The following DEPDC5 variants were observed in gnomAD, a reference collection of about 807,000 sequenced individuals.
DEPDC5 encodes GATOR1 complex protein DEPDC5.
In DEPDC5, 73 loss-of-function variants were observed where a neutral mutation model predicts 217.3. The ratio of observed to expected loss-of-function variants is 0.34; its 90% CI spans 0.28 to 0.41. The LOEUF is 0.41. Among genes scored for constraint, DEPDC5 ranks in the 10% least tolerant of loss-of-function variants. The pLI, the probability that DEPDC5 is intolerant of heterozygous loss-of-function variation, is 1.00. For synonymous variants in DEPDC5, 733 were observed against 756.7 expected (o/e 0.97, Z 0.51); for missense variants, 1,675 against 2,070.1 (o/e 0.81, Z 3.70).
chr22:31,792,285 T>C (rs1036937563), intron 11 of DEPDC5, among the ~76,000 whole-genome samples, 183 bp downstream of exon 11: 9 of 152,052 alleles, frequency 5.9e-5, no homozygotes, highest in Non-Finnish European at 1.5e-5. Flanking sequence ...GTCTGTGGGC[T>C]GTGATTCATC....
chr22:31,868,702 C>T (rs2092755416), intron 33 of DEPDC5, among the ~76,000 whole-genome samples: 1 of 152,218 alleles, frequency 6.6e-6, no homozygotes, highest in African/African-American at 2.4e-5. Context: ...GCCAAGATTA[C>T]AGGCGTGAGC....
chr22:31,765,081 T>C (rs1158023943), intron 5 of DEPDC5, 21 bp downstream of exon 5: 1 of 1,589,346 alleles, frequency 6.3e-7, no homozygotes, highest in African/African-American at 1.3e-5. Flanking sequence ...GTTTTGTACT[T>C]GAATATCTTT....
In DEPDC5 at chr22:31,760,689, A is replaced by G. The variant is rs550525739; in HGVS notation, c.180A>G (p.Glu60=). The part of the protein sequence containing the change: ...PLLLQVKSLK[E]DLQKETISVD... ...TTTTGCAGGTCAAGTCTCTTAAGGA[A>G]GATTTACAGAAGGGTAAGAATTATA... Residue 60 remains glutamate, a synonymous_variant, in exon 4 of 43, where the codon GAA becomes GAG. Transcript: ENST00000651528. 2.0e-5 allele frequency: 32 copies of G among 1,612,566 alleles called. No homozygotes were observed. The Middle Eastern group carries it at 6.6e-4, about 33-fold the overall frequency.
At chr22:31,782,583 C>T (rs1333335167) in intron 8 of DEPDC5, among the ~76,000 whole-genome samples, 1 of 152,140 alleles carries the variant, frequency 6.6e-6, no homozygotes, top group Non-Finnish European at 1.5e-5. Context: ...ACCACTTTTG[C>T]TTTTCCTTGA....
intron 7 of DEPDC5, among the ~76,000 whole-genome samples, chr22:31,770,616 A>G (rs2083263505): frequency 6.8e-6 from 1 of 147,500 alleles, no homozygotes; most frequent in African/African-American, 2.5e-5. Context: ...CTGGTCTCGA[A>G]CTCCTGACCT....
intron 8 of DEPDC5, among the ~76,000 whole-genome samples, chr22:31,779,693 C>G (rs1304477484): frequency 6.6e-6 from 1 of 152,198 alleles, no homozygotes; most frequent in Admixed American, 6.5e-5. Context: ...ATCACCGGCT[C>G]TAATGGCCAA....
At position 31,864,503 on chromosome 22, in the gene DEPDC5, T is replaced by A. The variant is rs577542523; in HGVS notation, c.3330+3070T>A. On this transcript the variant is annotated intron_variant, in intron 33 of 42. Coordinates refer to ENST00000651528, the MANE Select transcript of DEPDC5 (RefSeq NM_001242896.3). ...TTCTGAACCTGTTTCTTCATTAAAA[T>A]ATATATATATATATATATATATTTA... Among the ~76,000 whole-genome samples, 559 of 130,908 alleles carry A rather than the reference T, an allele frequency of 4.3e-3. 8 individuals are homozygous for A. The highest frequency in any genetic ancestry group is 6.8e-3 in the Non-Finnish European group (433 of 63,288). The allele number at this position is 130,908 out of a possible 152,430, so 85.9% of individuals were successfully genotyped here. A position where few individuals can be genotyped will look rare whatever the true frequency, so the allele number is the denominator to read the frequency against.
intron 14 of DEPDC5, 106 bp downstream of exon 14, chr22:31,798,762 A>G (rs2086541926): frequency 9.0e-7 from 1 of 1,110,110 alleles, no homozygotes; most frequent in African/African-American, 1.6e-5. Flanking sequence ...TGGATCTTGC[A>G]GAAGAAAGAA....
At chr22:31,857,421 G>A (rs559970250) in intron 31 of DEPDC5, 24 bp from the exon 32 acceptor site, 1 of 1,573,016 alleles carries the variant, frequency 6.4e-7, no homozygotes, top group Admixed American at 1.9e-5. Flanking sequence ...GCAAGCTGCT[G>A]TCATGTGCTT....
At chr22:31,756,474 A>AAT (rs1361769772) in intron 2 of DEPDC5, among the ~76,000 whole-genome samples, 1 of 152,228 alleles carries the variant, frequency 6.6e-6, no homozygotes, top group Admixed American at 6.5e-5. Context: ...ATGTTGCCTA[A>AAT]ATATTTGTGG....
intron 8 of DEPDC5, among the ~76,000 whole-genome samples, chr22:31,780,289 G>T (rs1180194437): frequency 6.6e-6 from 1 of 152,198 alleles, no homozygotes; most frequent in Non-Finnish European, 1.5e-5. Flanking sequence ...TAGATTGGAT[G>T]TGAGGAGTGA....
intron 32 of DEPDC5, 93 bp downstream of exon 32, chr22:31,857,646 A>C: frequency 9.6e-7 from 1 of 1,044,968 alleles, no homozygotes. Context: ...CCGGGATTGC[A>C]TGTGCAGAGG....
chr22:31,771,834 T>C (rs2083396807), intron 7 of DEPDC5, among the ~76,000 whole-genome samples: 1 of 150,426 alleles, frequency 6.6e-6, no homozygotes, highest in African/African-American at 2.5e-5. Flanking sequence ...TTTGGAAGGC[T>C]GAGGTGGGTA....
chr22:31,810,896 C>G (rs1460561090), intron 20 of DEPDC5, among the ~76,000 whole-genome samples: 1 of 152,116 alleles, frequency 6.6e-6, no homozygotes, highest in Non-Finnish European at 1.5e-5. Flanking sequence ...CTGCCTCAGC[C>G]TCACAAGTTG....
At chr22:31,823,082 A>T (rs1221553020) in intron 24 of DEPDC5, 2 of 357,654 alleles carry the variant, frequency 5.6e-6, no homozygotes, top group Non-Finnish European at 1.1e-5. Context: ...CCATGGACAG[A>T]GCTGGAGTGG....
intron 18 of DEPDC5, among the ~76,000 whole-genome samples, chr22:31,807,115 C>T (rs560314226): frequency 1.2e-3 from 176 of 152,272 alleles, no homozygotes; most frequent in Non-Finnish European, 2.0e-3. Context: ...AATTATATCA[C>T]ATGCTACAAA....
intron 2 of DEPDC5, 128 bp from the exon 3 acceptor site, chr22:31,758,418 C>G (rs2082112373): frequency 1.3e-6 from 1 of 776,778 alleles, no homozygotes; most frequent in Non-Finnish European, 2.2e-6. Flanking sequence ...AGCCTCGTTT[C>G]AAAATAGAAC....
rs1601747508 is a variant in DEPDC5 at position 31,777,216 on chromosome 22, T to A, written c.414-883T>A. ...CTCAGGTGATTCACCCGCCTCAGCCTCTCAACGTGTTGGGATTATAGGCAT... is the reference window on the plus strand; with the variant it reads ...CTCAGGTGATTCACCCGCCTCAGCCACTCAACGTGTTGGGATTATAGGCAT... On this transcript the variant is annotated intron_variant, in intron 7 of 42. Coordinates refer to ENST00000651528, the MANE Select transcript of DEPDC5 (RefSeq NM_001242896.3). Among the ~76,000 whole-genome samples, 3 of 150,314 alleles carry A rather than the reference T, an allele frequency of 2.0e-5. No individual in the cohort carries two copies. In the South Asian group the frequency reaches 6.3e-4, roughly 32 times the overall value.
chr22:31,806,455 A>G (rs569606170), intron 18 of DEPDC5, among the ~76,000 whole-genome samples: 46 of 152,258 alleles, frequency 3.0e-4, no homozygotes, highest in Non-Finnish European at 2.9e-5. Context: ...TTCATCCCCA[A>G]ACTTTATAAC....
Sources: gnomAD v4.1 joint callset for allele counts (sites outside exome capture counted in the v4.1 genomes callset) on GRCh38, gnomAD v4.1.1 for gene constraint, MANE v1.5 for transcripts, NCBI Gene and HGNC (gene_info 2026-07-23, HGNC 2026-07-21) for gene names.